Variants in COQ8A observed in about 807,000 individuals in gnomAD.
COQ8A encodes the protein atypical kinase COQ8A, mitochondrial.
A neutral mutation model predicts 65.0 loss-of-function variants in COQ8A; 51 were observed. That is an observed-to-expected ratio of 0.78 (90% confidence interval 0.63 to 0.99). The LOEUF (loss-of-function observed/expected upper bound fraction) is 0.99, where lower values mean the gene tolerates loss of function less well. COQ8A is among the 50% of genes least tolerant of loss of function. The probability of loss-of-function intolerance (pLI) is 0.00; values close to 1 mark genes in which losing one functional copy is unlikely to be tolerated. For synonymous variants in COQ8A, 371 were observed against 353.2 expected (o/e 1.05, Z -0.57); for missense variants, 940 against 875.0 (o/e 1.07, Z -0.94).
At position 226,978,847 on chromosome 1, in the gene COQ8A, T is replaced by A. The variant is rs1012858771; in HGVS notation, c.730+1324T>A. On this transcript the variant is annotated intron_variant, in intron 5 of 14. Transcript: ENST00000366777. ...GCACACACCTCCTTACACACCCACC[T>A]CATACCTGCACACCACCTTACACAC... Among the ~76,000 whole-genome samples the A allele has an allele frequency of 9.9e-4, 68 of 68,906 alleles. 8 individuals carry two copies. The highest frequency in any genetic ancestry group is 1.8e-3 in the Non-Finnish European group (55 of 30,062). The allele number at this position is 68,906 out of a possible 152,430, so 45.2% of individuals were successfully genotyped here.
chr1:226,944,546 C>T (rs981457898), intron 1 of COQ8A, among the ~76,000 whole-genome samples: 7 of 151,546 alleles, frequency 4.6e-5, no homozygotes, highest in South Asian at 2.1e-4. Context: ...CAAGAATGTG[C>T]GGGCCCTCCT....
At position 226,986,643 on chromosome 1, in the gene COQ8A, T is replaced by G; in HGVS notation, c.1850T>G (p.Phe617Cys). The G allele has an allele frequency of 1.2e-6, 2 of 1,613,768 alleles. No individual in the cohort carries two copies. Among genetic ancestry groups the G allele is most frequent in the Non-Finnish European group, 1.7e-6 (2 of 1,179,960 alleles). The change falls in exon 15 of 15, where the codon TTC (phenylalanine) becomes TGC (cysteine). Residue 617 changes from phenylalanine (F) to cysteine (C), a missense_variant. Phe to Cys is a radical substitution (Grantham distance 205). Transcript: ENST00000366777. ...YSLHRKMGGS[F>C]LICSKLKARF... ...CTGCACAGGAAGATGGGGGGCTCCT[T>G]CCTCATCTGCTCCAAGCTGAAGGCC... is the stretch of plus-strand genomic sequence containing the variant.
chr1:226,961,559 G>A lies in COQ8A; in HGVS notation c.174G>A (p.Val58=). ...AGATTGGCATGTTCTTGGGGAAGGT[G>A]CAGGTAAGGGGGCCTGGCAGTGGGA... ...VEQIGMFLGK[V]QGQDKHEEYF... is the part of the protein sequence containing the mutation. The change falls in exon 2 of 15, where the codon GTG becomes GTA. Residue 58 remains valine, a synonymous_variant. Transcript: ENST00000366777. 8.7e-6 allele frequency: 14 copies of A among 1,609,676 alleles called. No individual in the cohort carries two copies. Among genetic ancestry groups the A allele is most frequent in the Non-Finnish European group, 1.2e-5 (14 of 1,176,662 alleles).
chr1:226,984,946 CTG>C lies in COQ8A; in HGVS notation c.1572+6_1572+7del. On this transcript the variant is annotated splice_donor_region_variant and intron_variant, in intron 13 of 14. Transcript: ENST00000366777. ...TTCACCGACCTCTACATTCAGGTAA[CTG>C]GAGAGGGGCCCTGGCCTTGGTCCAT... 1 of 1,614,078 alleles carries C rather than the reference CTG, an allele frequency of 6.2e-7. No homozygotes were observed. Among genetic ancestry groups the C allele is most frequent in the Non-Finnish European group, 8.5e-7 (1 of 1,179,968 alleles).
At chr1:226,945,122 T>C (rs1656953372) in intron 1 of COQ8A, among the ~76,000 whole-genome samples, 2 of 151,952 alleles carry the variant, frequency 1.3e-5, no homozygotes, top group African/African-American at 4.9e-5. Context: ...CTTTCTGCAC[T>C]CCAGGGATGC....
rs1284279401 is a variant in COQ8A at position 226,949,701 on chromosome 1, T to C, written c.-10+9302T>C. On this transcript the variant is annotated intron_variant, in intron 1 of 14. Transcript: ENST00000366777. This position sits in a 1 kb window ranked among gnomAD's most constrained non-coding sequence, Gnocchi z 4.0. ...AGACTGATCCCATTCACCCTAACCG[T>C]TGGTCTCACCAAGTCTGAACTTCAT... Among the ~76,000 whole-genome samples, 1 of 152,206 alleles carries C rather than the reference T, an allele frequency of 6.6e-6. No individual in the cohort carries two copies.
chr1:226,977,647 C>T lies in COQ8A; in HGVS notation c.730+124C>T, dbSNP rs75992029. 2.8e-3 allele frequency: 2,891 copies of T among 1,047,452 alleles called. 62 individuals carry two copies. The East Asian group carries it at 0.035, about 13-fold the overall frequency. 64.9% of individuals were successfully genotyped at this position (1,047,452 alleles called of 1,614,324 possible). On this transcript the variant is annotated intron_variant, in intron 5 of 14. Transcript: ENST00000366777. ...TGGGCCGCATTTGCATGGGGTTCCACGTAAGTGGCGTCCCTGGGGTGATGA... is the reference window on the plus strand; with the variant it reads ...TGGGCCGCATTTGCATGGGGTTCCATGTAAGTGGCGTCCCTGGGGTGATGA...
rs1659876092 is a variant in COQ8A, at chr1:226,983,839, G to A, written c.1241G>A (p.Cys414Tyr). ...TGTGACTACCAGCGAGAGGCCGCCT[G>A]TGCCCGCAAGTTCAGGTGTGGCCCC... The part of the protein sequence containing the change: ...LECDYQREAA[C>Y]ARKFRDLLKG... Residue 414 changes from cysteine (C) to tyrosine (Y), a missense_variant, in exon 10 of 15, where the codon TGT becomes TAT. Coordinates refer to ENST00000366777, the MANE Select transcript of COQ8A (RefSeq NM_020247.5). 6.2e-7 allele frequency: 1 copy of A among 1,610,836 alleles called. No homozygotes were observed. The highest frequency in any genetic ancestry group is 8.5e-7 in the Non-Finnish European group (1 of 1,179,880).
In COQ8A at chr1:226,982,402, CTA is replaced by C. The variant is rs1659753301; in HGVS notation, c.853+255_853+256del. 22 of 644,166 alleles carry C rather than the reference CTA, an allele frequency of 3.4e-5. No homozygotes were observed. In the South Asian group the frequency reaches 3.9e-4, roughly 11 times the overall value. The allele number at this position is 644,166 out of a possible 1,614,324, so 39.9% of individuals were successfully genotyped here. A position where few individuals can be genotyped will look rare whatever the true frequency, so the allele number is the denominator to read the frequency against. The stretch of plus-strand genomic sequence containing the variant: ...GAACACAGGTCATTTCAACATTTTA[CTA>C]TGTTTTATTTTCCAAATTTCTTTTG... On this transcript the variant is annotated intron_variant, in intron 6 of 14. Transcript: ENST00000366777.
intron 1 of COQ8A, among the ~76,000 whole-genome samples, chr1:226,960,342 GTGGTGGTGGTGGTGGTGCT>G (rs1558187255): frequency 2.2e-3 from 23 of 10,658 alleles, no homozygotes; most frequent in Admixed American, 5.8e-3. Flanking sequence ...GTGGTACTTG[GTGGTGGTGGTGGTGGTGCT>G]TGGTGGTGGT....
Position 226,986,940 on chromosome 1 carries a change from G to T in COQ8A, c.*203G>T. 3 of 643,464 alleles carry T rather than the reference G, an allele frequency of 4.7e-6. No homozygotes were observed. Among genetic ancestry groups the T allele is most frequent in the Non-Finnish European group, 8.0e-6 (3 of 374,372 alleles). The allele number at this position is 643,464 out of a possible 1,614,324, so 39.9% of individuals were successfully genotyped here. A position where few individuals can be genotyped will look rare whatever the true frequency, so the allele number is the denominator to read the frequency against. On this transcript the variant is annotated 3_prime_UTR_variant, in exon 15 of 15. Transcript: ENST00000366777. ...TGAGAAGTGCAAGAATGAAGATGAAGCCCCACTGCTCGGTCAGTCTGCCTC... is the reference window on the plus strand; with the variant it reads ...TGAGAAGTGCAAGAATGAAGATGAATCCCCACTGCTCGGTCAGTCTGCCTC...
At position 226,983,614 on chromosome 1, in the gene COQ8A, G is replaced by A; in HGVS notation, c.1143G>A (p.Met381Ile). 1 of 1,614,006 alleles carries A rather than the reference G, an allele frequency of 6.2e-7. No individual in the cohort carries two copies. The highest frequency in any genetic ancestry group is 8.5e-7 in the Non-Finnish European group (1 of 1,180,022). ...ACAACCTCATGGCCGTGTTGAACAT[G>A]AGCAACATGCTTCCAGAAGGTCTGA... The part of the protein sequence containing the change: ...DVNNLMAVLN[M>I]SNMLPEGLFP... The change falls in exon 9 of 15, where the codon ATG (methionine) becomes ATA (isoleucine). Residue 381 changes from methionine to isoleucine, a missense_variant. Met to Ile is a conservative substitution (Grantham distance 10). Coordinates refer to ENST00000366777, the MANE Select transcript of COQ8A (RefSeq NM_020247.5).
At chr1:226,944,692 TGAGAGAGAGAGAGA>T (rs1174520293) in intron 1 of COQ8A, among the ~76,000 whole-genome samples, 37 of 86,718 alleles carry the variant, frequency 4.3e-4, no homozygotes, top group Admixed American at 6.4e-4. Context: ...AGTTGTACCC[TGAGAGAGAGAGAGA>T]GAGAGAGAGA....
At chr1:226,978,558 C>A (rs1039581164) in intron 5 of COQ8A, among the ~76,000 whole-genome samples, 1 of 82,968 alleles carries the variant, frequency 1.2e-5, no homozygotes, top group South Asian at 4.2e-4. Flanking sequence ...CACACACCCC[C>A]CACAGCCACA....
chr1:226,956,918 T>A (rs1657813779), intron 1 of COQ8A, among the ~76,000 whole-genome samples: 1 of 87,182 alleles, frequency 1.1e-5, no homozygotes, highest in Non-Finnish European at 2.3e-5. Flanking sequence ...TCCCACTCCC[T>A]GGTTCACACT....
chr1:226,985,507 T>G (rs1489449772), intron 14 of COQ8A, among the ~76,000 whole-genome samples, 167 bp downstream of exon 14: 1 of 152,210 alleles, frequency 6.6e-6, no homozygotes, highest in Non-Finnish European at 1.5e-5. Context: ...CATGCTGCCC[T>G]GCTGAGCGTG....
At chr1:226,960,453 G>GTACT (rs2148047759) in intron 1 of COQ8A, among the ~76,000 whole-genome samples, 1 of 150,288 alleles carries the variant, frequency 6.7e-6, no homozygotes, top group Non-Finnish European at 1.5e-5. Flanking sequence ...CTTGGTGGTG[G>GTACT]TGGCAGTACT....
intron 10 of COQ8A, 72 bp from the exon 11 acceptor site, chr1:226,984,021 TG>T (rs1170206239): frequency 2.5e-5 from 34 of 1,386,646 alleles, no homozygotes; most frequent in Admixed American, 4.0e-5. Flanking sequence ...TCTGCCTGGT[TG>T]GGGGGTGTGT....
intron 4 of COQ8A, among the ~76,000 whole-genome samples, chr1:226,966,408 T>G (rs1165350477): frequency 1.3e-5 from 2 of 152,268 alleles, no homozygotes; most frequent in South Asian, 2.1e-4. Context: ...TTTGTCATGC[T>G]GCTGCTAATG....
Sources: allele counts gnomAD v4.1 joint callset (sites outside exome capture counted in the v4.1 genomes callset), GRCh38; gene constraint gnomAD v4.1.1; non-coding constraint Gnocchi (gnomAD v3.1); transcripts MANE v1.5; gene names NCBI Gene and HGNC (gene_info 2026-07-23, HGNC 2026-07-21).